The following PAN3 variants were observed in gnomAD, a reference collection of about 807,000 sequenced individuals.
PAN3 encodes the protein PAN2-PAN3 deadenylation complex subunit PAN3.
In PAN3, 19 loss-of-function variants were observed where a neutral mutation model predicts 96.2. The ratio of observed to expected loss-of-function variants is 0.20; its 90% confidence interval spans 0.14 to 0.29. PAN3 has a LOEUF of 0.29. Among genes scored for constraint, PAN3 ranks in the 10% least tolerant of loss-of-function variants. PAN3 has a pLI of 1.00. For missense variants in PAN3, 882 were observed against 1,108.1 expected, an observed-to-expected ratio of 0.80 and a Z score of 2.90; for synonymous variants, 433 against 406.6, an observed-to-expected ratio of 1.06 and a Z score of -0.78.
intron 7 of PAN3, among the ~76,000 whole-genome samples, chr13:28,259,534 T>G (rs992624787): frequency 7.2e-5 from 11 of 151,960 alleles, no homozygotes; most frequent in African/African-American, 2.7e-4. Flanking sequence ...TTTGTATTTT[T>G]AGTAGAGATG....
intron 9 of PAN3, among the ~76,000 whole-genome samples, chr13:28,264,271 G>A (rs1378221383): frequency 6.6e-6 from 1 of 152,194 alleles, no homozygotes; most frequent in African/African-American, 2.4e-5. Context: ...GGGCGCAGTG[G>A]CTCACACCTG....
Position 28,203,811 on chromosome 13 carries a change from T to C in PAN3, c.852+6465T>C, listed in dbSNP as rs965959896. ...TCTGCTTTTCTTTTTTCTTTTCTTT[T>C]TTTTTTTTTTTGAGACGGAGTCTTG... On this transcript the variant is annotated intron_variant, in intron 5 of 18. Transcript: ENST00000380958. Among the ~76,000 whole-genome samples the C allele has an allele frequency of 2.9e-3, 438 of 150,760 alleles. 2 individuals are homozygous for C. Among genetic ancestry groups the C allele is most frequent in the African/African-American group, 0.01 (419 of 41,196 alleles).
chr13:28,290,696 A>C (rs1411858587), intron 18 of PAN3, among the ~76,000 whole-genome samples: 1 of 152,214 alleles, frequency 6.6e-6, no homozygotes, highest in Non-Finnish European at 1.5e-5. Context: ...AAAAGAAAAA[A>C]GACTGCACAA....
At chr13:28,199,386 T>A (rs1878436110) in intron 5 of PAN3, among the ~76,000 whole-genome samples, 2 of 152,168 alleles carry the variant, frequency 1.3e-5, no homozygotes, top group African/African-American at 4.8e-5. Flanking sequence ...TATTTATAAT[T>A]AAAATAGTAA....
chr13:28,148,179 C>T (rs1049498114), intron 1 of PAN3, among the ~76,000 whole-genome samples: 1 of 152,042 alleles, frequency 6.6e-6, no homozygotes, highest in Non-Finnish European at 1.5e-5. Context: ...TGTTCTCTAA[C>T]TCCTGGGCTC....
intron 1 of PAN3, among the ~76,000 whole-genome samples, chr13:28,173,573 TTAC>T (rs1368229141): frequency 6.6e-6 from 1 of 152,230 alleles, no homozygotes; most frequent in Admixed American, 6.5e-5. Context: ...AGTTTGCTTC[TTAC>T]TGGGGTTGAA....
intron 1 of PAN3, among the ~76,000 whole-genome samples, chr13:28,149,047 A>T (rs190213609): frequency 6.6e-6 from 1 of 151,608 alleles, no homozygotes; most frequent in Non-Finnish European, 1.5e-5. Flanking sequence ...TCTGGTTCAC[A>T]GTTGATACAT....
intron 7 of PAN3, 51 bp from the exon 8 acceptor site, chr13:28,260,396 A>T: frequency 7.0e-7 from 1 of 1,432,276 alleles, no homozygotes; most frequent in East Asian, 2.3e-5. Flanking sequence ...TCCATCTGAA[A>T]AAAAGAAAGA....
chr13:28,282,339 T>TG lies in PAN3; in HGVS notation c.2384+961dup, dbSNP rs1555294693. On this transcript the variant is annotated intron_variant, in intron 17 of 18. Coordinates refer to ENST00000380958, the MANE Select transcript of PAN3 (RefSeq NM_175854.8). ...AGATAAATACTATTACTTGAGGGGT[T>TG]GTTTTTTTTTTTTACCATGGAATTC... Among the ~76,000 whole-genome samples, 1,187 of 133,610 alleles carry TG rather than the reference T, an allele frequency of 8.9e-3. 18 individuals are homozygous for TG. Among genetic ancestry groups the TG allele is most frequent in the African/African-American group, 0.037 (1,057 of 28,462 alleles). The allele number at this position is 133,610 out of a possible 152,430, so 87.7% of individuals were successfully genotyped here.
chr13:28,245,543 AAATC>A (rs1348522161), intron 6 of PAN3, among the ~76,000 whole-genome samples: 2 of 152,144 alleles, frequency 1.3e-5, no homozygotes, highest in South Asian at 2.1e-4. Context: ...ACATACCATA[AAATC>A]AATCCTTTTA....
intron 5 of PAN3, chr13:28,214,945 G>A (rs773516311): frequency 2.2e-6 from 3 of 1,368,286 alleles, no homozygotes; most frequent in South Asian, 2.3e-5. Flanking sequence ...TACACACTGG[G>A]TGTGAAACAA....
At chr13:28,143,245 T>TGC (rs1870116902) in intron 1 of PAN3, among the ~76,000 whole-genome samples, 1 of 152,106 alleles carries the variant, frequency 6.6e-6, no homozygotes. Flanking sequence ...TGCCGTACCA[T>TGC]GTAGCTTACG....
intron 5 of PAN3, among the ~76,000 whole-genome samples, chr13:28,200,304 A>G (rs977205877): frequency 6.6e-6 from 1 of 152,202 alleles, no homozygotes; most frequent in Admixed American, 6.5e-5. Flanking sequence ...CTTGTGCTTC[A>G]TCTTTTTCCT....
intron 5 of PAN3, among the ~76,000 whole-genome samples, chr13:28,213,004 G>A (rs555492630): frequency 4.4e-4 from 67 of 152,046 alleles, no homozygotes; most frequent in African/African-American, 1.5e-3. Context: ...TTACATCAAG[G>A]CACATCAAAG....
chr13:28,150,037 GCTC>G (rs1871166959), intron 1 of PAN3, among the ~76,000 whole-genome samples: 1 of 152,076 alleles, frequency 6.6e-6, no homozygotes, highest in South Asian at 2.1e-4. Context: ...TTCTTATTTT[GCTC>G]CTCTAAGTTT....
chr13:28,171,180 GCA>G (rs1392031125), intron 1 of PAN3, among the ~76,000 whole-genome samples: 2 of 152,102 alleles, frequency 1.3e-5, no homozygotes, highest in African/African-American at 4.8e-5. Flanking sequence ...GTATGTGTAA[GCA>G]CACATCATTA....
At chr13:28,172,149 C>CTG (rs1874383027) in intron 1 of PAN3, among the ~76,000 whole-genome samples, 1 of 152,178 alleles carries the variant, frequency 6.6e-6, no homozygotes, top group Admixed American at 6.5e-5. Flanking sequence ...CGCAGTGTCA[C>CTG]AGACACATAC....
intron 1 of PAN3, among the ~76,000 whole-genome samples, chr13:28,171,513 G>A (rs1874300917): frequency 6.6e-6 from 1 of 152,146 alleles, no homozygotes; most frequent in African/African-American, 2.4e-5. Flanking sequence ...ATCCGACTTG[G>A]CTACAAATTG....
chr13:28,171,118 C>T (rs1226827120), intron 1 of PAN3, among the ~76,000 whole-genome samples: 1 of 152,110 alleles, frequency 6.6e-6, no homozygotes, highest in Non-Finnish European at 1.5e-5. Context: ...TTTAACCAAC[C>T]ACATGACCCA....
Sources: allele counts gnomAD v4.1 joint callset (sites outside exome capture counted in the v4.1 genomes callset), GRCh38; gene constraint gnomAD v4.1.1; transcripts MANE v1.5; gene names NCBI Gene and HGNC (gene_info 2026-07-23, HGNC 2026-07-21).